Variants in MBOAT2 observed in about 807,000 individuals in gnomAD.
The protein encoded by MBOAT2 is membrane bound glycerophospholipid O-acyltransferase 2.
In MBOAT2, 28 loss-of-function variants were observed where a neutral mutation model predicts 63.4. That is an observed-to-expected ratio of 0.44 (90% CI 0.33 to 0.61). The LOEUF is 0.61. Ranked by LOEUF, MBOAT2 falls within the 20% of genes least tolerant of loss-of-function variation. MBOAT2 has a pLI of 0.03. For missense variants in MBOAT2, 470 were observed against 605.8 expected, an observed-to-expected ratio of 0.78 and a Z score of 2.35; for synonymous variants, 211 against 215.6, an observed-to-expected ratio of 0.98 and a Z score of 0.19.
At chr2:8,864,079 T>G in intron 10 of MBOAT2, 91 bp downstream of exon 10, 1 of 885,532 alleles carries the variant, frequency 1.1e-6, no homozygotes, top group Non-Finnish European at 1.7e-6. Context: ...CTCAACACCG[T>G]TAATTTAATC....
chr2:8,979,232 AC>A (rs1264407085), intron 1 of MBOAT2, among the ~76,000 whole-genome samples: 1 of 152,160 alleles, frequency 6.6e-6, no homozygotes, highest in Non-Finnish European at 1.5e-5. Flanking sequence ...AAAAGTACTA[AC>A]TTTTAATGAT....
At chr2:8,870,891 G>A (rs1179217779) in intron 8 of MBOAT2, among the ~76,000 whole-genome samples, 1 of 152,136 alleles carries the variant, frequency 6.6e-6, no homozygotes, top group East Asian at 1.9e-4. Flanking sequence ...ATGTAAAAAT[G>A]CACAAGATTC....
intron 1 of MBOAT2, among the ~76,000 whole-genome samples, chr2:8,984,484 G>A (rs1232462248): frequency 6.6e-6 from 1 of 152,172 alleles, no homozygotes; most frequent in Admixed American, 6.5e-5. Flanking sequence ...TCCTCTCTGG[G>A]ATGGGGTCTA....
chr2:8,974,261 T>C, intron 1 of MBOAT2: 1 of 420,092 alleles, frequency 2.4e-6, no homozygotes, highest in Admixed American at 2.5e-5. Flanking sequence ...ATTCTGGGAA[T>C]GTAACTGTGC....
chr2:8,968,835 A>G (rs1050006988), intron 1 of MBOAT2, among the ~76,000 whole-genome samples: 1 of 152,238 alleles, frequency 6.6e-6, no homozygotes, highest in Non-Finnish European at 1.5e-5. Flanking sequence ...GAGAAAAAAG[A>G]GTAAAAAGAA....
intron 8 of MBOAT2, among the ~76,000 whole-genome samples, chr2:8,870,658 G>A (rs1056136346): frequency 2.6e-5 from 4 of 152,234 alleles, no homozygotes; most frequent in African/African-American, 7.2e-5. Context: ...GAACCTCAGC[G>A]CTGAACCATT....
chr2:8,888,206 A>G, intron 4 of MBOAT2, 133 bp from the exon 5 acceptor site: 1 of 753,914 alleles, frequency 1.3e-6, no homozygotes, highest in South Asian at 1.8e-5. Context: ...AAGACCTCCA[A>G]GGGATTTCAG....
At chr2:8,969,691 GA>G (rs1670295163) in intron 1 of MBOAT2, among the ~76,000 whole-genome samples, 1 of 151,620 alleles carries the variant, frequency 6.6e-6, no homozygotes, top group African/African-American at 2.4e-5. Context: ...CAAGCAAATG[GA>G]AAACAAAAAA....
chr2:9,001,824 C>T (rs947064878), intron 1 of MBOAT2, among the ~76,000 whole-genome samples: 1 of 151,966 alleles, frequency 6.6e-6, no homozygotes. Flanking sequence ...ATAGCAGGGA[C>T]GGGTAGGGCT....
intron 2 of MBOAT2, among the ~76,000 whole-genome samples, chr2:8,956,779 T>C (rs1490045976): frequency 1.3e-5 from 2 of 152,216 alleles, no homozygotes; most frequent in Non-Finnish European, 2.9e-5. Context: ...AATGTCGGGT[T>C]ACTTGTGACA....
chr2:8,874,841 C>T (rs1049894671), intron 7 of MBOAT2, among the ~76,000 whole-genome samples: 3 of 152,170 alleles, frequency 2.0e-5, no homozygotes, highest in Non-Finnish European at 2.9e-5. Context: ...AAAGATGACA[C>T]ATCATAGCCT....
At chr2:8,942,074 C>G (rs1182622566) in intron 3 of MBOAT2, among the ~76,000 whole-genome samples, 2 of 152,106 alleles carry the variant, frequency 1.3e-5, no homozygotes, top group Non-Finnish European at 2.9e-5. Flanking sequence ...TCTAAATATC[C>G]TTTCTCTTCT....
chr2:8,914,675 G>A (rs1666023048), intron 3 of MBOAT2, among the ~76,000 whole-genome samples: 1 of 152,056 alleles, frequency 6.6e-6, no homozygotes, highest in Admixed American at 6.5e-5. Context: ...CCAGTTAGTT[G>A]TTACTTACCA....
intron 7 of MBOAT2, among the ~76,000 whole-genome samples, chr2:8,873,790 A>T (rs1662516616): frequency 6.6e-6 from 1 of 152,228 alleles, no homozygotes; most frequent in South Asian, 2.1e-4. Flanking sequence ...ACTTTGTTCA[A>T]GAATAATAAA....
At chr2:8,891,204 G>A (rs981757648) in intron 4 of MBOAT2, among the ~76,000 whole-genome samples, 2 of 152,214 alleles carry the variant, frequency 1.3e-5, no homozygotes, top group Non-Finnish European at 2.9e-5. Flanking sequence ...CAGCCGGTGC[G>A]TAGCACATGG....
chr2:8,871,461 A>C (rs1200484879), intron 8 of MBOAT2, among the ~76,000 whole-genome samples: 1 of 152,234 alleles, frequency 6.6e-6, no homozygotes. Flanking sequence ...GAATCTAGCG[A>C]TTCAACCAAC....
At chr2:8,904,973 A>G (rs914087386) in intron 4 of MBOAT2, among the ~76,000 whole-genome samples, 5 of 152,170 alleles carry the variant, frequency 3.3e-5, no homozygotes, top group Non-Finnish European at 5.9e-5. Context: ...TTTTAAATGT[A>G]TCTTAAACCT....
At chr2:8,864,351 A>C (rs2148511121) in intron 9 of MBOAT2, 117 bp from the exon 10 acceptor site, 1 of 497,616 alleles carries the variant, frequency 2.0e-6, no homozygotes, top group Middle Eastern at 5.8e-4. Flanking sequence ...ATGGTAGTAT[A>C]GTGATTTCTC....
At chr2:8,951,547 C>T (rs1213730723) in intron 2 of MBOAT2, among the ~76,000 whole-genome samples, 1 of 152,158 alleles carries the variant, frequency 6.6e-6, no homozygotes, top group African/African-American at 2.4e-5. Context: ...AGCTGTGAAT[C>T]TATCTGGTCA....
Sources: allele counts gnomAD v4.1 joint callset (sites outside exome capture counted in the v4.1 genomes callset), GRCh38; gene constraint gnomAD v4.1.1; transcripts MANE v1.5; gene names NCBI Gene and HGNC (gene_info 2026-07-23, HGNC 2026-07-21).